The following CSMD1 variants were observed in gnomAD, a reference collection of about 807,000 sequenced individuals.
The protein encoded by CSMD1 is CUB and Sushi multiple domains 1, also known as CUB and sushi domain-containing protein 1.
Under a neutral mutation model 417.5 loss-of-function variants are expected in CSMD1, and 213 were observed. That is an observed-to-expected ratio of 0.51 (90% confidence interval 0.46 to 0.57). The LOEUF is 0.57. CSMD1 is among the 20% of genes least tolerant of loss of function. The pLI, the probability that CSMD1 is intolerant of heterozygous loss-of-function variation, is 0.00. For missense variants in CSMD1, 6,923 were observed against 4,529.7 expected, an observed-to-expected ratio of 1.53 and a Z score of -15.17; for synonymous variants, 2,862 against 1,736.8, an observed-to-expected ratio of 1.65 and a Z score of -16.11.
At chr8:3,597,149 T>A (rs1801132905) in intron 8 of CSMD1, among the ~76,000 whole-genome samples, 2 of 151,934 alleles carry the variant, frequency 1.3e-5, no homozygotes, top group Admixed American at 1.3e-4. Flanking sequence ...ATGCCCAAAA[T>A]CAGAGGGAAT....
intron 6 of CSMD1, among the ~76,000 whole-genome samples, chr8:3,727,920 A>G (rs1802587915): frequency 6.6e-6 from 1 of 152,206 alleles, no homozygotes; most frequent in African/African-American, 2.4e-5. Flanking sequence ...AGTCAAATTC[A>G]AAGAGCGGCA....
At chr8:4,168,483 T>C (rs908973499) in intron 3 of CSMD1, among the ~76,000 whole-genome samples, 3 of 151,846 alleles carry the variant, frequency 2.0e-5, no homozygotes, top group Non-Finnish European at 4.4e-5. Context: ...GTGGTAAAAG[T>C]AGAAAAAAGG....
intron 2 of CSMD1, among the ~76,000 whole-genome samples, chr8:4,542,768 T>C (rs1252351615): frequency 6.6e-6 from 1 of 152,292 alleles, no homozygotes; most frequent in Non-Finnish European, 1.5e-5. Flanking sequence ...AAAGTAAACA[T>C]ATGGTAGCCA....
chr8:3,508,616 T>G (rs1418069989), intron 10 of CSMD1, among the ~76,000 whole-genome samples: 2 of 152,184 alleles, frequency 1.3e-5, no homozygotes, highest in Non-Finnish European at 2.9e-5. Context: ...GTGAGAAAAT[T>G]TTAAAATCAC....
rs1799313587 is a variant in CSMD1 at position 4,322,282 on chromosome 8, TG to T, written c.415+97670del. Among the ~76,000 whole-genome samples, 3 of 152,166 alleles carry T rather than the reference TG, an allele frequency of 2.0e-5. No individual in the cohort carries two copies. In the South Asian group the frequency reaches 6.2e-4, roughly 31 times the overall value. ...AAATAGTTTAAACATAAGTGAGACCTGAATTCAATTTCATGTTATCTGCATA... is the reference window on the plus strand; with the variant it reads ...AAATAGTTTAAACATAAGTGAGACCTAATTCAATTTCATGTTATCTGCATA... On this transcript the variant is annotated intron_variant, in intron 3 of 69. Coordinates refer to ENST00000635120, the MANE Select transcript of CSMD1 (RefSeq NM_033225.6).
intron 50 of CSMD1, among the ~76,000 whole-genome samples, chr8:3,038,476 C>T (rs1008129204): frequency 5.3e-5 from 8 of 152,166 alleles, no homozygotes; most frequent in African/African-American, 1.9e-4. Context: ...ATTTATATTA[C>T]TGGTGGCTCT....
At chr8:3,311,707 G>A (rs1466622530) in intron 23 of CSMD1, among the ~76,000 whole-genome samples, 1 of 152,156 alleles carries the variant, frequency 6.6e-6, no homozygotes, top group South Asian at 2.1e-4. Context: ...TTGAAAAATT[G>A]TAAGTGAACC....
chr8:3,374,302 A>G (rs1810171923), intron 18 of CSMD1, among the ~76,000 whole-genome samples: 1 of 152,004 alleles, frequency 6.6e-6, no homozygotes, highest in South Asian at 2.1e-4. Context: ...CTCTACTTTT[A>G]TCCATTCATC....
At position 4,908,187 on chromosome 8, in the gene CSMD1, T is replaced by G. The variant is rs907617094; in HGVS notation, c.85+86145A>C. On this transcript the variant is annotated intron_variant, in intron 1 of 69. Coordinates refer to ENST00000635120, the MANE Select transcript of CSMD1 (RefSeq NM_033225.6). ...CAAAACTTTAAATATTTTGCTCCAT[T>G]CTCTTCTTGTTTGCAGTTTCTGATA... 2.6e-5 allele frequency among the ~76,000 whole-genome samples: 4 copies of G among 152,290 alleles called. No individual in the cohort carries two copies. The East Asian group carries it at 7.7e-4, about 29-fold the overall frequency.
intron 30 of CSMD1, among the ~76,000 whole-genome samples, chr8:3,206,308 G>A (rs1215842952): frequency 3.7e-5 from 5 of 136,532 alleles, no homozygotes; most frequent in African/African-American, 1.4e-4. Context: ...GGGTGTGTGT[G>A]TATCTGTGTG....
At chr8:3,006,918 C>G (rs1336061171) in intron 52 of CSMD1, among the ~76,000 whole-genome samples, 1 of 141,142 alleles carries the variant, frequency 7.1e-6, no homozygotes, top group Non-Finnish European at 1.5e-5. Flanking sequence ...ACAAAATTGA[C>G]AAATGGGATC....
At chr8:3,299,144 A>C (rs943469357) in intron 25 of CSMD1, among the ~76,000 whole-genome samples, 2 of 152,172 alleles carry the variant, frequency 1.3e-5, no homozygotes, top group Non-Finnish European at 2.9e-5. Flanking sequence ...TCCACTAGGT[A>C]AAGGAAGTTA....
At chr8:4,220,847 G>A (rs566269986) in intron 3 of CSMD1, among the ~76,000 whole-genome samples, 2 of 152,310 alleles carry the variant, frequency 1.3e-5, no homozygotes, top group South Asian at 2.1e-4. Flanking sequence ...ACTACAAGAG[G>A]AAAAGTAGCT....
intron 2 of CSMD1, among the ~76,000 whole-genome samples, chr8:4,425,880 A>T (rs2128943365): frequency 6.6e-6 from 1 of 152,244 alleles, no homozygotes; most frequent in South Asian, 2.1e-4. Context: ...ATATTTCAAC[A>T]AAATATGACA....
At chr8:3,166,635 C>T (rs1377360633) in intron 37 of CSMD1, among the ~76,000 whole-genome samples, 1 of 152,136 alleles carries the variant, frequency 6.6e-6, no homozygotes, top group Non-Finnish European at 1.5e-5. Context: ...AAAGTGATCT[C>T]TCATATTGTC....
At chr8:3,067,335 G>A (rs902168086) in intron 49 of CSMD1, among the ~76,000 whole-genome samples, 6 of 152,088 alleles carry the variant, frequency 3.9e-5, no homozygotes, top group African/African-American at 1.4e-4. Context: ...TTTTGACCTC[G>A]ATGCCTCCCC....
chr8:3,667,905 C>G (rs1026773479), intron 7 of CSMD1, among the ~76,000 whole-genome samples: 1 of 152,160 alleles, frequency 6.6e-6, no homozygotes, highest in African/African-American at 2.4e-5. Context: ...ATCAAAGACT[C>G]TGTATGTTGC....
chr8:4,182,190 G>A (rs1017461123), intron 3 of CSMD1, among the ~76,000 whole-genome samples: 4 of 152,040 alleles, frequency 2.6e-5, no homozygotes, highest in Non-Finnish European at 5.9e-5. Context: ...TTTCTGATTA[G>A]GTTCTGTGTT....
chr8:4,405,948 A>T (rs1804986923), intron 3 of CSMD1, among the ~76,000 whole-genome samples: 1 of 152,128 alleles, frequency 6.6e-6, no homozygotes, highest in Non-Finnish European at 1.5e-5. Flanking sequence ...ATCCTGAGTA[A>T]TGCCTTCTGT....
Sources: allele counts gnomAD v4.1 joint callset (sites outside exome capture counted in the v4.1 genomes callset), GRCh38; gene constraint gnomAD v4.1.1; transcripts MANE v1.5; gene names NCBI Gene and HGNC (gene_info 2026-07-23, HGNC 2026-07-21).